ITSN1: variants seen among roughly 807,000 people sequenced by gnomAD.
ITSN1 encodes intersectin 1, also known as intersectin-1.
ITSN1 carries 58 observed loss-of-function variants against 239.8 expected under a neutral mutation model. The observed-to-expected ratio is 0.24, with a 90% confidence interval of 0.20 to 0.30. The LOEUF is 0.30. ITSN1 is among the 10% of genes least tolerant of loss of function. The pLI, the probability that ITSN1 is intolerant of heterozygous loss-of-function variation, is 1.00. For synonymous variants in ITSN1, 780 were observed against 770.8 expected, an observed-to-expected ratio of 1.01 and a Z score of -0.20; for missense variants, 1,558 against 2,103.3, an observed-to-expected ratio of 0.74 and a Z score of 5.07.
intron 20 of ITSN1, among the ~76,000 whole-genome samples, chr21:33,803,675 T>C (rs1173089981): frequency 1.3e-5 from 2 of 152,246 alleles, no homozygotes; most frequent in African/African-American, 4.8e-5. Flanking sequence ...GAAGGGGCTT[T>C]CGTGTTGAAT....
rs531333403 is a variant in ITSN1 at position 33,851,213 on chromosome 21, G to A, written c.3662-5523G>A. Among the ~76,000 whole-genome samples the A allele has an allele frequency of 1.1e-4, 17 of 152,086 alleles. No individual in the cohort carries two copies. In the South Asian group the frequency reaches 3.5e-3, roughly 32 times the overall value. On this transcript the variant is annotated intron_variant, in intron 29 of 39. Coordinates refer to ENST00000381318, the MANE Select transcript of ITSN1 (RefSeq NM_003024.3). ...TGTCTCCGCGTCGACCTGGCACCTG[G>A]GTGAAGGCTTGCTCTTGCTGGTGCC...
chr21:33,869,617 T>C (rs1193697900), intron 33 of ITSN1, among the ~76,000 whole-genome samples: 1 of 152,250 alleles, frequency 6.6e-6, no homozygotes, highest in African/African-American at 2.4e-5. Context: ...AGGGTTTCAG[T>C]GTCCCCACCT....
intron 1 of ITSN1, chr21:33,716,457 C>T (rs1467078546): frequency 6.6e-6 from 1 of 152,442 alleles, no homozygotes; most frequent in East Asian, 1.9e-4. Context: ...TTGATCCCTT[C>T]ACACCCCACC....
intron 5 of ITSN1, among the ~76,000 whole-genome samples, chr21:33,737,863 G>A (rs149960872): frequency 3.7e-4 from 57 of 152,252 alleles, no homozygotes; most frequent in African/African-American, 1.2e-3. Context: ...ATGAGCCACT[G>A]CACCTGGCCT....
chr21:33,713,723 T>A (rs1474977273), intron 1 of ITSN1, among the ~76,000 whole-genome samples: 2 of 152,074 alleles, frequency 1.3e-5, no homozygotes, highest in Non-Finnish European at 2.9e-5. Flanking sequence ...TACATGTTTC[T>A]ACTATTGTCT....
At chr21:33,774,207 C>T (rs1005651990) in intron 12 of ITSN1, among the ~76,000 whole-genome samples, 8 of 152,072 alleles carry the variant, frequency 5.3e-5, no homozygotes, top group South Asian at 2.1e-4. Context: ...ATCTAGCAGT[C>T]GTCAGAGCCA....
At chr21:33,817,748 C>A in intron 22 of ITSN1, 1 of 807,222 alleles carries the variant, frequency 1.2e-6, no homozygotes, top group Non-Finnish European at 1.7e-6. Context: ...TTATGCTAAC[C>A]AAATCCCTGT....
intron 29 of ITSN1, among the ~76,000 whole-genome samples, chr21:33,843,443 C>T (rs774485980): frequency 1.3e-5 from 2 of 152,196 alleles, no homozygotes; most frequent in Non-Finnish European, 1.5e-5. Flanking sequence ...CTCCACTGGG[C>T]GAGTTTGCCA....
intron 14 of ITSN1, 109 bp from the exon 15 acceptor site, chr21:33,781,352 C>T: frequency 1.5e-6 from 1 of 664,046 alleles, no homozygotes; most frequent in East Asian, 3.1e-5. Flanking sequence ...CTTCACCATG[C>T]AGGATTTGGG....
Position 33,653,957 on chromosome 21 carries a change from T to G in ITSN1, c.-33+11244T>G, listed in dbSNP as rs1055037897. ...AGGCATGAGCCACCATAACTTGTAT[T>G]TGTTTATTGGCATGGAACTTCTAAA... On this transcript the variant is annotated intron_variant, in intron 1 of 39. Coordinates refer to ENST00000381318, the MANE Select transcript of ITSN1 (RefSeq NM_003024.3). Among the ~76,000 whole-genome samples the G allele has an allele frequency of 5.9e-5, 9 of 152,114 alleles. No homozygotes were observed. The East Asian group carries it at 1.5e-3, about 26-fold the overall frequency.
chr21:33,809,875 C>A (rs2072770127), intron 20 of ITSN1, among the ~76,000 whole-genome samples: 1 of 152,144 alleles, frequency 6.6e-6, no homozygotes, highest in African/African-American at 2.4e-5. Context: ...CTCACTGCAA[C>A]CTCCGTCTCC....
At chr21:33,832,635 A>G (rs571194621) in intron 27 of ITSN1, among the ~76,000 whole-genome samples, 1 of 151,970 alleles carries the variant, frequency 6.6e-6, no homozygotes, top group East Asian at 1.9e-4. Context: ...TGCGAGCAGA[A>G]TGGTGGTATA....
intron 35 of ITSN1, among the ~76,000 whole-genome samples, 176 bp from the exon 36 acceptor site, chr21:33,883,372 AAC>A (rs1350555918): frequency 6.6e-6 from 1 of 152,208 alleles, no homozygotes; most frequent in Non-Finnish European, 1.5e-5. Context: ...CACACCCAGA[AAC>A]ACACACACAT....
At chr21:33,763,827 T>G (rs1364968182) in intron 9 of ITSN1, among the ~76,000 whole-genome samples, 2 of 152,228 alleles carry the variant, frequency 1.3e-5, no homozygotes, top group Non-Finnish European at 2.9e-5. Flanking sequence ...AGCTGTATGT[T>G]GGTGATTGTC....
intron 28 of ITSN1, among the ~76,000 whole-genome samples, chr21:33,834,635 C>T (rs994635288): frequency 2.0e-5 from 3 of 152,230 alleles, no homozygotes; most frequent in African/African-American, 7.2e-5. Flanking sequence ...CTGGATACAA[C>T]AGAACCCTTG....
In ITSN1 at chr21:33,750,069, G is replaced by T. The variant is rs748573666; in HGVS notation, c.347-74G>T. ...GCTGGAAAGTGATTTTCTTTAAGCA[G>T]TACTGGGTTAATTATTATTCAGTGT... On this transcript the variant is annotated intron_variant, in intron 5 of 39. Transcript: ENST00000381318. 5.9e-6 allele frequency: 8 copies of T among 1,357,432 alleles called. No homozygotes were observed. In the African/African-American group the frequency reaches 1.0e-4, roughly 17 times the overall value. 84.1% of individuals were successfully genotyped at this position (1,357,432 alleles called of 1,614,324 possible).
At chr21:33,783,536 A>T (rs905289433) in intron 16 of ITSN1, among the ~76,000 whole-genome samples, 20 of 152,152 alleles carry the variant, frequency 1.3e-4, no homozygotes, top group Non-Finnish European at 2.9e-4. Context: ...ATATTCATGC[A>T]TATATGATTA....
intron 1 of ITSN1, among the ~76,000 whole-genome samples, chr21:33,671,690 T>C (rs1470832350): frequency 6.6e-6 from 1 of 151,822 alleles, no homozygotes; most frequent in Non-Finnish European, 1.5e-5. Context: ...TAATCCGAGC[T>C]ACTCAGGAGG....
chr21:33,808,042 CCGGGCGCGGTGG>C (rs1466027420), intron 20 of ITSN1, among the ~76,000 whole-genome samples: 4 of 151,866 alleles, frequency 2.6e-5, no homozygotes, highest in Admixed American at 1.3e-4. Context: ...AAAAAATTAG[CCGGGCGCGGTGG>C]CGGGCGCCTG....
Sources: allele counts gnomAD v4.1 joint callset (sites outside exome capture counted in the v4.1 genomes callset), GRCh38; gene constraint gnomAD v4.1.1; transcripts MANE v1.5; gene names NCBI Gene and HGNC (gene_info 2026-07-23, HGNC 2026-07-21).